Variants in NRP1 observed in about 807,000 individuals in gnomAD.
NRP1 encodes the protein neuropilin 1, also known as neuropilin-1.
A neutral mutation model predicts 106.7 loss-of-function variants in NRP1; 35 were observed. That is an observed-to-expected ratio of 0.33 (90% CI 0.25 to 0.43). The LOEUF is 0.43. Among genes scored for constraint, NRP1 ranks in the 20% least tolerant of loss-of-function variants. The pLI, the probability that NRP1 is intolerant of heterozygous loss-of-function variation, is 1.00. For synonymous variants in NRP1, 437 were observed against 417.9 expected, an observed-to-expected ratio of 1.05 and a Z score of -0.56; for missense variants, 1,024 against 1,170.4, an observed-to-expected ratio of 0.87 and a Z score of 1.83.
At chr10:33,275,342 G>A (rs1564446688) in intron 2 of NRP1, among the ~76,000 whole-genome samples, 2 of 152,198 alleles carry the variant, frequency 1.3e-5, no homozygotes, top group African/African-American at 4.8e-5. Flanking sequence ...GCGGAGGTGG[G>A]TGGATCACGA....
At chr10:33,216,958 G>A (rs1838830477) in intron 8 of NRP1, among the ~76,000 whole-genome samples, 1 of 151,988 alleles carries the variant, frequency 6.6e-6, no homozygotes, top group South Asian at 2.1e-4. Flanking sequence ...GCCCTTTCCT[G>A]TAACTTAACC....
At chr10:33,289,414 A>C (rs917411318) in intron 2 of NRP1, among the ~76,000 whole-genome samples, 1 of 152,110 alleles carries the variant, frequency 6.6e-6, no homozygotes, top group East Asian at 1.9e-4. Context: ...GCTTATATCA[A>C]TCTTATCTGT....
chr10:33,319,568 TTTTCTTTC>T (rs1293392507), intron 2 of NRP1, among the ~76,000 whole-genome samples: 17 of 148,646 alleles, frequency 1.1e-4, no homozygotes, highest in Admixed American at 1.1e-3. Flanking sequence ...CATCTTTTTT[TTTTCTTTC>T]TTTCTTTCTT....
chr10:33,296,479 T>C (rs1845393620), intron 2 of NRP1, among the ~76,000 whole-genome samples: 1 of 152,146 alleles, frequency 6.6e-6, no homozygotes, highest in South Asian at 2.1e-4. Flanking sequence ...AAGGACAAGA[T>C]GTTTTTGGAC....
chr10:33,326,066 C>T (rs967888562), intron 2 of NRP1, among the ~76,000 whole-genome samples: 1 of 152,124 alleles, frequency 6.6e-6, no homozygotes, highest in African/African-American at 2.4e-5. Flanking sequence ...TTTTATTGCT[C>T]CCCGGATGGT....
At chr10:33,296,296 C>A (rs955210426) in intron 2 of NRP1, among the ~76,000 whole-genome samples, 10 of 152,280 alleles carry the variant, frequency 6.6e-5, no homozygotes, top group Non-Finnish European at 1.2e-4. Flanking sequence ...CTGTTTGAAG[C>A]CAGGTTGCCT....
At chr10:33,207,887 G>A (rs1013978597) in intron 9 of NRP1, among the ~76,000 whole-genome samples, 171 bp from the exon 10 acceptor site, 1 of 152,116 alleles carries the variant, frequency 6.6e-6, no homozygotes, top group Non-Finnish European at 1.5e-5. Flanking sequence ...AACAATTAAA[G>A]CTTCTCTAAG....
rs749279873 is a variant in NRP1 at position 33,213,190 on chromosome 10, C to T, written c.1614+196G>A. 8 of 1,433,098 alleles carry T rather than the reference C, an allele frequency of 5.6e-6. No homozygotes were observed. In the South Asian group the frequency reaches 1.1e-4, roughly 19 times the overall value. The allele number at this position is 1,433,098 out of a possible 1,614,324, so 88.8% of individuals were successfully genotyped here. A position where few individuals can be genotyped will look rare whatever the true frequency, so the allele number is the denominator to read the frequency against. ...TGGGACCAGCAATGCAATTCTTTTG[C>T]ATGTTATCTCAGACATCACTTTTCA... On this transcript the variant is annotated intron_variant, in intron 9 of 16. Transcript: ENST00000374867.
At chr10:33,287,494 C>T (rs1844655539) in intron 2 of NRP1, among the ~76,000 whole-genome samples, 1 of 152,132 alleles carries the variant, frequency 6.6e-6, no homozygotes, top group Admixed American at 6.5e-5. Flanking sequence ...GCCCATTTTT[C>T]TGAAAAGCTG....
chr10:33,319,708 T>A (rs1314951946), intron 2 of NRP1, among the ~76,000 whole-genome samples: 8 of 150,872 alleles, frequency 5.3e-5, no homozygotes, highest in Admixed American at 5.3e-4. Context: ...TGGCTCAGCC[T>A]CCCAAGTAGC....
intron 2 of NRP1, among the ~76,000 whole-genome samples, chr10:33,309,176 C>T (rs921929645): frequency 2.0e-5 from 3 of 152,174 alleles, no homozygotes; most frequent in Non-Finnish European, 2.9e-5. Flanking sequence ...CCACACTGAA[C>T]ACTGCAACCT....
At chr10:33,305,578 G>A (rs776302596) in intron 2 of NRP1, among the ~76,000 whole-genome samples, 30 of 151,988 alleles carry the variant, frequency 2.0e-4, no homozygotes, top group Non-Finnish European at 4.1e-4. Flanking sequence ...CCACTCACTG[G>A]GCAAGTCACT....
intron 14 of NRP1, 49 bp downstream of exon 14, chr10:33,186,167 TC>T: frequency 6.5e-7 from 1 of 1,529,080 alleles, no homozygotes; most frequent in Non-Finnish European, 8.8e-7. Context: ...ACATATCATC[TC>T]AGCATTCCTG....
At chr10:33,203,104 A>G in intron 10 of NRP1, 109 bp from the exon 11 acceptor site, 1 of 1,069,064 alleles carries the variant, frequency 9.4e-7, no homozygotes, top group Non-Finnish European at 1.3e-6. Flanking sequence ...CTGCGGTAAG[A>G]AGACCAGGGG....
At chr10:33,232,621 G>A (rs980095346) in intron 6 of NRP1, among the ~76,000 whole-genome samples, 1 of 146,242 alleles carries the variant, frequency 6.8e-6, no homozygotes, top group African/African-American at 2.5e-5. Context: ...TCTAGTGGCC[G>A]CTTTCTTTTT....
chr10:33,234,831 G>T (rs1443817699), intron 6 of NRP1, among the ~76,000 whole-genome samples: 1 of 152,152 alleles, frequency 6.6e-6, no homozygotes, highest in Admixed American at 6.6e-5. Context: ...CCAAGTGAAT[G>T]AACAGATGAA....
intron 2 of NRP1, among the ~76,000 whole-genome samples, chr10:33,314,332 G>T (rs575530987): frequency 2.6e-5 from 4 of 152,102 alleles, no homozygotes; most frequent in Non-Finnish European, 5.9e-5. Flanking sequence ...TCCCATCTTG[G>T]TCTCCCAAAG....
intron 15 of NRP1, among the ~76,000 whole-genome samples, chr10:33,184,712 T>C (rs1227632345): frequency 1.3e-5 from 2 of 152,314 alleles, no homozygotes; most frequent in Middle Eastern, 3.4e-3. Context: ...ATTGCTCCTT[T>C]CTTTTTGCCC....
chr10:33,205,068 A>T (rs1368825458), intron 10 of NRP1, among the ~76,000 whole-genome samples: 1 of 152,200 alleles, frequency 6.6e-6, no homozygotes, highest in Admixed American at 6.5e-5. Flanking sequence ...GTGCTAGCAC[A>T]AAATAGGACA....
Sources: allele counts gnomAD v4.1 joint callset (sites outside exome capture counted in the v4.1 genomes callset), GRCh38; gene constraint gnomAD v4.1.1; transcripts MANE v1.5; gene names NCBI Gene and HGNC (gene_info 2026-07-23, HGNC 2026-07-21).